ERG: variants seen among roughly 807,000 people sequenced by gnomAD.
ERG encodes the protein transcriptional regulator ERG.
In ERG, 9 loss-of-function variants were observed where a neutral mutation model predicts 55.3. That is an observed-to-expected ratio of 0.16 (90% CI 0.10 to 0.28). ERG has a LOEUF of 0.28. Ranked by LOEUF, ERG falls within the 10% of genes least tolerant of loss-of-function variation. ERG has a pLI of 1.00. For synonymous variants in ERG, 223 were observed against 237.3 expected (o/e 0.94, Z 0.55); for missense variants, 434 against 631.6 (o/e 0.69, Z 3.35).
intron 2 of ERG, among the ~76,000 whole-genome samples, chr21:38,544,147 G>C (rs1216397473): frequency 6.6e-6 from 1 of 152,234 alleles, no homozygotes; most frequent in Non-Finnish European, 1.5e-5. Flanking sequence ...GAACATTCCG[G>C]ATTGCGGGAG....
At chr21:38,367,761 A>G in the ERG span, 1 of 428,202 alleles carries the variant, frequency 2.3e-6, no homozygotes, top group East Asian at 5.1e-5. Context: ...ACAATAACTA[A>G]CCAACAGAGG....
intron 1 of ERG, among the ~76,000 whole-genome samples, chr21:38,456,831 G>T (rs979370920): frequency 2.0e-5 from 3 of 152,154 alleles, no homozygotes; most frequent in African/African-American, 7.2e-5. Flanking sequence ...TATCCTGGTT[G>T]CTGCATGGAA....
intron 2 of ERG, among the ~76,000 whole-genome samples, chr21:38,561,914 A>G (rs2146836922): frequency 6.6e-6 from 1 of 152,362 alleles, no homozygotes; most frequent in East Asian, 1.9e-4. Flanking sequence ...GTACATTCTC[A>G]GAAGTAACAT....
chr21:38,372,597 T>C, the ERG span, among the ~76,000 whole-genome samples: 1 of 152,054 alleles, frequency 6.6e-6, no homozygotes, highest in Non-Finnish European at 1.5e-5. Flanking sequence ...TTAGTATATT[T>C]CCTAAGTAAA....
intron 2 of ERG, among the ~76,000 whole-genome samples, chr21:38,559,219 C>T (rs533477108): frequency 6.6e-6 from 1 of 151,992 alleles, no homozygotes; most frequent in South Asian, 2.1e-4. Context: ...TTTTCTGGTC[C>T]AAAAATCCTT....
chr21:38,537,874 A>G (rs2059723414), intron 2 of ERG, among the ~76,000 whole-genome samples: 1 of 152,252 alleles, frequency 6.6e-6, no homozygotes, highest in Non-Finnish European at 1.5e-5. Flanking sequence ...ATTATTTACA[A>G]TAACCAAAAG....
At chr21:38,648,677 G>A (rs7278398) in intron 1 of ERG, among the ~76,000 whole-genome samples, 6,194 of 152,310 alleles carry the variant, frequency 0.041, 392 homozygotes, top group African/African-American at 0.14. Flanking sequence ...AAGGGCCAAA[G>A]AACACAGGCA....
At position 38,620,638 on chromosome 21, in the gene ERG, T is replaced by C. The variant is rs559894748; in HGVS notation, c.-149-35693A>G. Reference sequence around the variant, plus strand: ...TGCCATGAGTAGCTGGTATTATCAATGACATTTGTGTAGTGGGAAAAGCAT... The same window carrying C: ...TGCCATGAGTAGCTGGTATTATCAACGACATTTGTGTAGTGGGAAAAGCAT... On this transcript the variant is annotated intron_variant, in intron 1 of 10. Coordinates refer to the ERG transcript ENST00000398910. Among the ~76,000 whole-genome samples the C allele has an allele frequency of 6.6e-5, 10 of 152,314 alleles. No individual in the cohort carries two copies. In the South Asian group the frequency reaches 1.9e-3, roughly 28 times the overall value.
intron 1 of ERG, among the ~76,000 whole-genome samples, chr21:38,605,342 A>G (rs1174721068): frequency 6.6e-6 from 1 of 152,182 alleles, no homozygotes; most frequent in African/African-American, 2.4e-5. Flanking sequence ...AGTACAATAA[A>G]TAATCTTCAT....
At chr21:38,463,786 C>T (rs1456482654) in intron 1 of ERG, among the ~76,000 whole-genome samples, 1 of 152,228 alleles carries the variant, frequency 6.6e-6, no homozygotes, top group African/African-American at 2.4e-5. Flanking sequence ...GAGGAAATTC[C>T]CATTGGATCC....
Position 38,633,100 on chromosome 21 carries a change from TTAAGC to T in ERG, c.-150+28553_-150+28557del, listed in dbSNP as rs544423433. ...ACAACATGAATGAACCTTGAGGACA[TTAAGC>T]TAAGAAATAAGCCAGCCACAAAAAA... is the stretch of plus-strand genomic sequence containing the variant. On this transcript the variant is annotated intron_variant, in intron 1 of 10. Coordinates refer to the ERG transcript ENST00000398910. Among the ~76,000 whole-genome samples the T allele has an allele frequency of 1.5e-3, 221 of 152,270 alleles. 1 individual carries two copies. The South Asian group carries it at 0.027, about 18-fold the overall frequency.
intron 1 of ERG, among the ~76,000 whole-genome samples, chr21:38,657,093 T>A (rs1236229107): frequency 6.7e-6 from 1 of 149,852 alleles, no homozygotes; most frequent in Non-Finnish European, 1.5e-5. Flanking sequence ...CCAGATCACA[T>A]CTGATGTCTA....
intron 1 of ERG, among the ~76,000 whole-genome samples, chr21:38,660,958 C>G (rs1410380514): frequency 6.6e-6 from 1 of 152,004 alleles, no homozygotes; most frequent in Admixed American, 6.6e-5. Context: ...ACTACGCGCC[C>G]TGCTCGGGTT....
intron 2 of ERG, among the ~76,000 whole-genome samples, chr21:38,570,469 T>G (rs2059950659): frequency 6.6e-6 from 1 of 152,260 alleles, no homozygotes; most frequent in Admixed American, 6.5e-5. Flanking sequence ...CATGCTCATG[T>G]TGCTCCATAG....
At chr21:38,409,850 T>C (rs1188587634) in intron 3 of ERG, among the ~76,000 whole-genome samples, 1 of 152,158 alleles carries the variant, frequency 6.6e-6, no homozygotes, top group African/African-American at 2.4e-5. Flanking sequence ...TTTTAGAGAT[T>C]TCAGAGTAAT....
chr21:38,484,642 C>T (rs570705654), intron 1 of ERG, among the ~76,000 whole-genome samples: 2 of 152,352 alleles, frequency 1.3e-5, no homozygotes, highest in South Asian at 4.1e-4. Flanking sequence ...GTTTTCTCTA[C>T]TGTCCTCAAA....
In ERG at chr21:38,380,073, A is replaced by C. The variant is rs575217558; in HGVS notation, c.*3330T>G. 5.9e-6 allele frequency: 6 copies of C among 1,017,356 alleles called. No individual in the cohort carries two copies. Among genetic ancestry groups the C allele is most frequent in the Admixed American group, 5.9e-5 (1 of 17,048 alleles). The allele number at this position is 1,017,356 out of a possible 1,614,324, so 63.0% of individuals were successfully genotyped here. On this transcript the variant is annotated 3_prime_UTR_variant, in exon 10 of 10. Transcript: ENST00000288319. ...CCAAAGTAATTTTTATTCTCTAATT[A>C]GTCACCTCACGACTTTATTTGAATG...
intron 2 of ERG, among the ~76,000 whole-genome samples, chr21:38,512,677 G>A (rs909557948): frequency 6.6e-6 from 1 of 152,138 alleles, no homozygotes; most frequent in Non-Finnish European, 1.5e-5. Flanking sequence ...TCAGTTTTGA[G>A]GTTTGGATCA....
intron 3 of ERG, among the ~76,000 whole-genome samples, chr21:38,417,600 C>A (rs535299083): frequency 6.6e-6 from 1 of 152,068 alleles, no homozygotes; most frequent in Non-Finnish European, 1.5e-5. Context: ...ACCAGCCTTG[C>A]CAACATGGTG....
Sources: gnomAD v4.1 joint callset for allele counts (sites outside exome capture counted in the v4.1 genomes callset) on GRCh38, gnomAD v4.1.1 for gene constraint, MANE v1.5 for transcripts, NCBI Gene and HGNC (gene_info 2026-07-23, HGNC 2026-07-21) for gene names.